The following GLB1 variants were observed in gnomAD, a reference collection of about 807,000 sequenced individuals.
The protein encoded by GLB1 is beta-galactosidase.
GLB1 carries 56 observed loss-of-function variants against 74.0 expected under a neutral mutation model. The ratio of observed to expected loss-of-function variants is 0.76; its 90% confidence interval spans 0.61 to 0.94. GLB1 has a LOEUF of 0.94. Among genes scored for constraint, GLB1 ranks in the 40% least tolerant of loss-of-function variants. GLB1 has a pLI of 0.00. For missense variants in GLB1, 787 were observed against 845.5 expected, an observed-to-expected ratio of 0.93 and a Z score of 0.86; for synonymous variants, 323 against 323.6, an observed-to-expected ratio of 1.00 and a Z score of 0.02.
At chr3:32,977,024 G>A in the GLB1 span, among the ~76,000 whole-genome samples, 1 of 152,096 alleles carries the variant, frequency 6.6e-6, no homozygotes, top group Non-Finnish European at 1.5e-5. Context: ...AAATTCAAGG[G>A]ACTCTGTTTC....
At chr3:33,077,407 T>G (rs1700153468) in intron 1 of GLB1, 1 of 1,010,426 alleles carries the variant, frequency 9.9e-7, no homozygotes, top group Non-Finnish European at 1.5e-6. Context: ...AACCAATCAA[T>G]GAAAGAGACA....
At position 33,068,945 on chromosome 3, in the gene GLB1, G is replaced by A; in HGVS notation, c.271C>T (p.Pro91Ser). ...QTYVPWNFHE[P>S]WPGQYQFSED... ...GAAAACTGGTACTGTCCTGGCCAGG[G>A]CTCATGAAAGTTCCAGGGCACATAC... is the stretch of plus-strand genomic sequence containing the variant. The change falls in exon 3 of 16, where the codon CCC (proline) becomes TCC (serine). Residue 91 changes from proline to serine, a missense_variant. Physicochemically the swap from Pro to Ser is moderately conservative, Grantham distance 74. Transcript: ENST00000307363. 1 of 1,614,156 alleles carries A rather than the reference G, an allele frequency of 6.2e-7. No homozygotes were observed. The highest frequency in any genetic ancestry group is 8.5e-7 in the Non-Finnish European group (1 of 1,180,026).
chr3:33,092,290 T>G (rs752898993), intron 1 of GLB1: 5 of 986,860 alleles, frequency 5.1e-6, no homozygotes, highest in Non-Finnish European at 6.0e-6. Context: ...CCTGATAGAA[T>G]CAGAGGAAAA....
rs1449783767 is a variant in GLB1 at position 33,018,478 on chromosome 3, G to C, written c.1317C>G (p.Val439=). The C allele has an allele frequency of 1.2e-6, 2 of 1,613,904 alleles. No homozygotes were observed. The highest frequency in any genetic ancestry group is 3.3e-5 in the Admixed American group (2 of 59,980). ...PAPLSSPLNG[V]HDRAYVAVDG... ...CCACAGCAACATATGCTCGATCGTG[G>C]ACTCCATTGAGGGGTGAAGAGAGAG... The change falls in exon 13 of 16, where the codon GTC becomes GTG. Residue 439 remains valine, a synonymous_variant. Coordinates refer to ENST00000307363, the MANE Select transcript of GLB1 (RefSeq NM_000404.4).
chr3:32,992,041 G>A (rs139433410), downstream of GLB1, among the ~76,000 whole-genome samples: 2 of 152,370 alleles, frequency 1.3e-5, no homozygotes, highest in East Asian at 1.9e-4. Flanking sequence ...AGTTGCTTAC[G>A]TTTTGAGAAC....
intron 10 of GLB1, among the ~76,000 whole-genome samples, chr3:33,033,311 C>T (rs1372967328): frequency 2.0e-5 from 3 of 152,170 alleles, no homozygotes; most frequent in African/African-American, 7.2e-5. Flanking sequence ...ATTTTGATTA[C>T]AATCTTAAAC....
intron 9 of GLB1, among the ~76,000 whole-genome samples, chr3:33,049,218 G>C (rs1698871962): frequency 6.6e-6 from 1 of 152,092 alleles, no homozygotes; most frequent in Non-Finnish European, 1.5e-5. Flanking sequence ...GCACCCACCA[G>C]GTCTCAACTG....
the GLB1 span, among the ~76,000 whole-genome samples, chr3:32,990,339 C>A: frequency 6.6e-6 from 1 of 152,222 alleles, no homozygotes; most frequent in Non-Finnish European, 1.5e-5. Context: ...ATGCTCACAG[C>A]ACTCTGATCT....
In GLB1 at chr3:33,077,083, G is replaced by A. The variant is rs747503396; in HGVS notation, c.76-4370C>T. ...TATAAAAAAAAAAATTAAAATTAGT[G>A]TCTCCCTCACCCACTGCTGCCGCCT... On this transcript the variant is annotated intron_variant, in intron 1 of 15. Coordinates refer to ENST00000307363, the MANE Select transcript of GLB1 (RefSeq NM_000404.4). 17 of 1,365,024 alleles carry A rather than the reference G, an allele frequency of 1.2e-5. 1 individual carries two copies. The South Asian group carries it at 2.1e-4, about 17-fold the overall frequency. 84.6% of individuals were successfully genotyped at this position (1,365,024 alleles called of 1,614,324 possible). A position where few individuals can be genotyped will look rare whatever the true frequency, so the allele number is the denominator to read the frequency against.
intron 9 of GLB1, among the ~76,000 whole-genome samples, chr3:33,048,849 C>CT (rs891708351): frequency 5.9e-5 from 9 of 151,884 alleles, no homozygotes; most frequent in Non-Finnish European, 8.8e-5. Context: ...AACGTGTGGA[C>CT]TTTTTTTTGT....
intron 6 of GLB1, among the ~76,000 whole-genome samples, chr3:33,053,830 T>A (rs986367843): frequency 6.6e-6 from 1 of 152,034 alleles, no homozygotes; most frequent in African/African-American, 2.4e-5. Flanking sequence ...CTGGCCAACA[T>A]GGTGAAACCC....
intron 12 of GLB1, among the ~76,000 whole-genome samples, chr3:33,020,321 G>A (rs755209838): frequency 1.6e-4 from 25 of 152,198 alleles, no homozygotes; most frequent in Non-Finnish European, 3.2e-4. Context: ...TTGCCTTACT[G>A]TTCAGACTCC....
rs1422804611 is a variant in GLB1, at chr3:33,093,821, G to A, written c.75+3190C>T. 5 of 1,613,590 alleles carry A rather than the reference G, an allele frequency of 3.1e-6. No individual in the cohort carries two copies. Among genetic ancestry groups the A allele is most frequent in the African/African-American group, 1.3e-5 (1 of 75,048 alleles). On this transcript the variant is annotated intron_variant, in intron 1 of 15. Transcript: ENST00000307363. The surrounding 1 kb of genome is among the most constrained non-coding windows in gnomAD (Gnocchi z 6.0). ...TGAAGAGGAAGAAGAGCATGATGAT[G>A]TAAGCACCCAGGCAGGAGTAGGCCG...
chr3:33,051,029 C>A (rs535952857), intron 9 of GLB1, among the ~76,000 whole-genome samples: 2 of 151,564 alleles, frequency 1.3e-5, no homozygotes, highest in South Asian at 4.2e-4. Context: ...GAGATCGAGA[C>A]CACCCTGGCT....
the GLB1 span, among the ~76,000 whole-genome samples, chr3:32,990,261 T>G: frequency 6.6e-6 from 1 of 152,204 alleles, no homozygotes; most frequent in African/African-American, 2.4e-5. Context: ...ATTCTTCACC[T>G]GGCTCAACTC....
At chr3:32,993,389 C>T (rs1258485138), downstream of GLB1, among the ~76,000 whole-genome samples, 2 of 152,086 alleles carry the variant, frequency 1.3e-5, no homozygotes, top group East Asian at 3.9e-4. Flanking sequence ...AGGGTCTGGC[C>T]CTGCCACCCA....
chr3:33,021,703 C>A, intron 11 of GLB1, 48 bp from the exon 12 acceptor site: 1 of 1,586,322 alleles, frequency 6.3e-7, no homozygotes, highest in South Asian at 1.1e-5. Flanking sequence ...CCTCACTGGT[C>A]ATCAGGTTAC....
rs187630348 is a variant in GLB1, at chr3:33,009,856, C to T, written c.1734+4200G>A. On this transcript the variant is annotated intron_variant, in intron 15 of 15. Transcript: ENST00000307363. ...TCTGAACATTTCATATAAATGGAGT[C>T]ATACAATACATAGCCTTTTAGTTTT... Among the ~76,000 whole-genome samples the T allele has an allele frequency of 2.9e-4, 44 of 152,334 alleles. 1 individual carries two copies. Among genetic ancestry groups the T allele is most frequent in the Admixed American group, 1.7e-3 (26 of 15,300 alleles).
downstream of GLB1, among the ~76,000 whole-genome samples, chr3:32,994,155 C>A (rs1424013523): frequency 6.6e-6 from 1 of 152,074 alleles, no homozygotes; most frequent in Non-Finnish European, 1.5e-5. Context: ...TCATAATAGT[C>A]AAAACTGGAA....
Sources: gnomAD v4.1 joint callset for allele counts (sites outside exome capture counted in the v4.1 genomes callset) on GRCh38, gnomAD v4.1.1 for gene constraint, Gnocchi (gnomAD v3.1) non-coding constraint, MANE v1.5 for transcripts, NCBI Gene and HGNC (gene_info 2026-07-23, HGNC 2026-07-21) for gene names.